Variants in RADX observed in about 807,000 individuals in gnomAD.
RADX encodes RPA1 related single stranded DNA binding protein, X-linked.
Under a neutral mutation model 61.6 loss-of-function variants are expected in RADX, and 36 were observed. The ratio of observed to expected loss-of-function variants is 0.58; its 90% CI spans 0.45 to 0.77. RADX has a LOEUF of 0.77. Ranked by LOEUF, RADX falls within the 30% of genes least tolerant of loss-of-function variation. The pLI is 0.00. For synonymous variants in RADX, 272 were observed against 237.9 expected (o/e 1.14, Z -1.32); for missense variants, 497 against 651.1 (o/e 0.76, Z 2.58).
At chrX:106,665,368 T>C (rs192834240) in intron 12 of RADX, among the ~76,000 whole-genome samples, 3 of 112,368 alleles carry the variant, frequency 2.7e-5, no homozygotes, top group Non-Finnish European at 5.6e-5. Flanking sequence ...AATATGCAAA[T>C]GAATGCACAT....
At position 106,632,726 on chromosome X, in the gene RADX, AC is replaced by A; in HGVS notation, c.1083del (p.Thr362GlnfsTer20). The A allele has an allele frequency of 8.7e-7, 1 of 1,145,083 alleles. No individual in the cohort carries two copies. The highest frequency in any genetic ancestry group is 1.2e-6 in the Non-Finnish European group (1 of 840,271). The allele number at this position is 1,145,083 out of a possible 1,213,427, so 94.4% of individuals were successfully genotyped here. A position where few individuals can be genotyped will look rare whatever the true frequency, so the allele number is the denominator to read the frequency against. On this transcript the variant is annotated frameshift_variant, in exon 4 of 14. Coordinates refer to ENST00000372548, the MANE Select transcript of RADX (RefSeq NM_018015.6). LOFTEE classifies it high-confidence loss of function. Reference protein sequence around the residue: ...WRLPKLNHRFTTRSELDDMPE... With the variant: ...WRLPKLNHRFXTRSELDDMPE... The stretch of plus-strand genomic sequence containing the variant: ...ACTGCCAAAGCTAAATCACCGATTT[AC>A]CACAAGGTAAAATAGTTTCTTGTAA...
In RADX at chrX:106,612,084, T is replaced by G; in HGVS notation, c.4T>G (p.Ser2Ala). The G allele has an allele frequency of 8.3e-7, 1 of 1,203,218 alleles. No individual in the cohort carries two copies. Among genetic ancestry groups the G allele is most frequent in the African/African-American group, 1.7e-5 (1 of 57,766 alleles). The change falls in exon 1 of 14, where the codon TCT becomes GCT. Residue 2 changes from serine to alanine, a missense_variant. Physicochemically the swap from Ser to Ala is moderately conservative, Grantham distance 99 (BLOSUM62 1). This residue lies in a region of RADX where 34 missense variants were observed against 29.1 expected (regional missense o/e 1.17). Coordinates refer to ENST00000372548, the MANE Select transcript of RADX (RefSeq NM_018015.6). MSGESGQPEAGP... is the reference protein window; with the variant it reads MAGESGQPEAGP... The stretch of plus-strand genomic sequence containing the variant: ...GCGGGTACGCAGTTATCCAACAATG[T>G]CTGGTGAGTCAGGACAGCCTGAGGC...
At chrX:106,619,153 T>G (rs1926883570) in intron 1 of RADX, among the ~76,000 whole-genome samples, 1 of 111,241 alleles carries the variant, frequency 9.0e-6, no homozygotes, top group Non-Finnish European at 1.9e-5. Flanking sequence ...TTTAAAAAAT[T>G]TTATGGGTAC....
intron 12 of RADX, among the ~76,000 whole-genome samples, chrX:106,663,190 C>T (rs1309562538): frequency 9.0e-6 from 1 of 111,730 alleles, no homozygotes; most frequent in Non-Finnish European, 1.9e-5. Context: ...TTGGTGAGAG[C>T]GTGGTGCTAA....
intron 10 of RADX, among the ~76,000 whole-genome samples, chrX:106,647,720 G>C (rs1234209170): frequency 9.0e-6 from 1 of 110,989 alleles, no homozygotes; most frequent in African/African-American, 3.3e-5. Context: ...TTGTAGTTTT[G>C]ATTTGGGTTT....
intron 11 of RADX, among the ~76,000 whole-genome samples, chrX:106,656,931 C>A (rs774489188): frequency 3.3e-4 from 37 of 111,881 alleles, no homozygotes; most frequent in Non-Finnish European, 6.4e-4. Context: ...TTAAAGTCAT[C>A]AGCTGCATTA....
At chrX:106,637,691 T>C (rs1339045970) in intron 7 of RADX, 69 bp from the exon 8 acceptor site, 1 of 945,582 alleles carries the variant, frequency 1.1e-6, no homozygotes, top group African/African-American at 2.0e-5. Context: ...TACACAAAAA[T>C]TTGCATACAG....
At position 106,662,159 on chromosome X, in the gene RADX, G is replaced by A. The variant is rs763255993; in HGVS notation, c.2123G>A (p.Arg708Gln). 6 of 1,208,484 alleles carry A rather than the reference G, an allele frequency of 5.0e-6. No homozygotes were observed. The Admixed American group carries it at 1.1e-4, about 22-fold the overall frequency. ...YSRVYPESIPRKFMFEHRKFL... is the reference protein window; with the variant it reads ...YSRVYPESIPQKFMFEHRKFL... Reference sequence around the variant, plus strand: ...CGTGTTTATCCTGAAAGTATTCCACGGAAATTTATGTTTGAACACAGAAAG... The same window carrying A: ...CGTGTTTATCCTGAAAGTATTCCACAGAAATTTATGTTTGAACACAGAAAG... Residue 708 changes from arginine to glutamine, a missense_variant, in exon 12 of 14, where the codon CGG becomes CAG. This residue lies in a region of RADX where 267 missense variants were observed against 306.9 expected (regional missense o/e 0.87). Coordinates refer to ENST00000372548, the MANE Select transcript of RADX (RefSeq NM_018015.6).
chrX:106,663,886 G>A (rs1055576199), intron 12 of RADX, among the ~76,000 whole-genome samples: 69 of 111,687 alleles, frequency 6.2e-4, no homozygotes, highest in Non-Finnish European at 7.2e-4. Flanking sequence ...AGACTTCTCA[G>A]CTGTATTACA....
chrX:106,627,544 G>A lies in RADX; in HGVS notation c.979+2262G>A, dbSNP rs73247947. On this transcript the variant is annotated intron_variant, in intron 3 of 13. Transcript: ENST00000372548. ...ATTAACTGTAGTCACCATCCAATGC[G>A]ATAGATCCCTAAGACATTTCTGCAA... 9.3e-3 allele frequency among the ~76,000 whole-genome samples: 1,034 copies of A among 110,681 alleles called. 6 individuals are homozygous for A. Among genetic ancestry groups the A allele is most frequent in the Non-Finnish European group, 0.013 (698 of 52,947 alleles).
At chrX:106,653,049 A>C (rs1927837750) in intron 11 of RADX, among the ~76,000 whole-genome samples, 1 of 109,206 alleles carries the variant, frequency 9.2e-6, no homozygotes, top group Admixed American at 9.9e-5. Context: ...TTTTAAAAAT[A>C]AAGGCAAAAT....
chrX:106,663,972 T>A (rs1928166687), intron 12 of RADX, among the ~76,000 whole-genome samples: 1 of 111,984 alleles, frequency 8.9e-6, no homozygotes, highest in Admixed American at 9.5e-5. Flanking sequence ...GGAAATTTCA[T>A]CATTCCTCCC....
At chrX:106,624,355 G>C (rs1927029060) in intron 2 of RADX, among the ~76,000 whole-genome samples, 1 of 111,460 alleles carries the variant, frequency 9.0e-6, no homozygotes, top group Non-Finnish European at 1.9e-5. Flanking sequence ...TTACTCTACT[G>C]TGCGCTCCCT....
intron 2 of RADX, among the ~76,000 whole-genome samples, chrX:106,624,694 A>G (rs999480254): frequency 9.0e-6 from 1 of 111,647 alleles, no homozygotes; most frequent in Non-Finnish European, 1.9e-5. Flanking sequence ...TGGAATATGG[A>G]TTCAGTAAAT....
chrX:106,617,015 T>C (rs1926819120), intron 1 of RADX, among the ~76,000 whole-genome samples: 1 of 99,106 alleles, frequency 1.0e-5, no homozygotes, highest in Non-Finnish European at 2.0e-5. Flanking sequence ...TTTTTGTGTG[T>C]GTGGGTTTTT....
chrX:106,624,221 C>G (rs1300922803), intron 2 of RADX, among the ~76,000 whole-genome samples: 1 of 111,629 alleles, frequency 9.0e-6, no homozygotes, highest in Non-Finnish European at 1.9e-5. Flanking sequence ...CCATGTATAC[C>G]CATATGCCTA....
At chrX:106,635,389 G>A (rs187630463) in intron 6 of RADX, among the ~76,000 whole-genome samples, 2 of 110,846 alleles carry the variant, frequency 1.8e-5, no homozygotes, top group African/African-American at 6.5e-5. Context: ...AGAATTAGAG[G>A]TTTCTTTATT....
chrX:106,623,110 T>TA (rs374785421), intron 2 of RADX, among the ~76,000 whole-genome samples: 2 of 111,057 alleles, frequency 1.8e-5, no homozygotes, highest in Admixed American at 9.6e-5. Context: ...GTCTCCCATT[T>TA]AAAAAAAGAA....
intron 10 of RADX, among the ~76,000 whole-genome samples, chrX:106,643,818 G>T (rs1281706364): frequency 8.9e-6 from 1 of 111,745 alleles, no homozygotes; most frequent in Non-Finnish European, 1.9e-5. Flanking sequence ...TGTGAAGAAT[G>T]TCATTGGTAT....
Sources: gnomAD v4.1 joint callset for allele counts (sites outside exome capture counted in the v4.1 genomes callset) on GRCh38, gnomAD v4.1.1 for gene constraint, gnomAD v4.1.1 regional missense constraint, MANE v1.5 for transcripts, NCBI Gene and HGNC (gene_info 2026-07-23, HGNC 2026-07-21) for gene names.